The following ZFPM2 variants were observed in gnomAD, a reference collection of about 807,000 sequenced individuals.
ZFPM2 encodes zinc finger protein, FOG family member 2.
In ZFPM2, 20 loss-of-function variants were observed where a neutral mutation model predicts 98.6. The observed-to-expected ratio is 0.20, with a 90% CI of 0.14 to 0.29. ZFPM2 has a LOEUF of 0.29. ZFPM2 is among the 10% of genes least tolerant of loss of function. The probability of loss-of-function intolerance (pLI) is 1.00; values close to 1 mark genes in which losing one functional copy is unlikely to be tolerated. For missense variants in ZFPM2, 1,310 were observed against 1,388.6 expected, an observed-to-expected ratio of 0.94 and a Z score of 0.90; for synonymous variants, 518 against 502.7, an observed-to-expected ratio of 1.03 and a Z score of -0.41.
At chr8:105,535,717 C>G (rs576206093) in intron 3 of ZFPM2, among the ~76,000 whole-genome samples, 12 of 152,248 alleles carry the variant, frequency 7.9e-5, no homozygotes, top group Admixed American at 7.2e-4. Flanking sequence ...CAGCTTGCTT[C>G]AGATGCTCAG....
In ZFPM2 at chr8:105,533,015, C is replaced by G. The variant is rs115655223; in HGVS notation, c.302-28348C>G. On this transcript the variant is annotated intron_variant, in intron 3 of 7. Coordinates refer to ENST00000407775, the MANE Select transcript of ZFPM2 (RefSeq NM_012082.4). ...TTATATCATAAATTCTCATAATACT[C>G]TAGAAAATTTGAATGCGTAGAATTA... Among the ~76,000 whole-genome samples the G allele has an allele frequency of 5.6e-3, 854 of 152,106 alleles. 12 individuals are homozygous for G. Among genetic ancestry groups the G allele is most frequent in the African/African-American group, 0.02 (822 of 41,516 alleles).
intron 3 of ZFPM2, among the ~76,000 whole-genome samples, chr8:105,466,789 T>G (rs1211846774): frequency 6.6e-6 from 1 of 151,988 alleles, no homozygotes; most frequent in African/African-American, 2.4e-5. Context: ...TTTTTTTTAA[T>G]TTTGAGGAAG....
At chr8:105,480,487 T>C (rs1449152654) in intron 3 of ZFPM2, among the ~76,000 whole-genome samples, 1 of 152,204 alleles carries the variant, frequency 6.6e-6, no homozygotes, top group Admixed American at 6.5e-5. Context: ...AAATAAGTTA[T>C]GTAATGTGCA....
intron 5 of ZFPM2, among the ~76,000 whole-genome samples, chr8:105,738,549 G>T (rs948687528): frequency 1.3e-5 from 2 of 152,068 alleles, no homozygotes; most frequent in African/African-American, 4.8e-5. Context: ...TAATGGGATT[G>T]CTGAGTCAAA....
At chr8:105,385,716 C>T (rs1011862893) in intron 1 of ZFPM2, among the ~76,000 whole-genome samples, 19 of 152,182 alleles carry the variant, frequency 1.2e-4, no homozygotes, top group African/African-American at 4.6e-4. Context: ...AGGACCCCAG[C>T]GATTACTTTA....
At chr8:105,369,276 A>C (rs1586321721) in intron 1 of ZFPM2, among the ~76,000 whole-genome samples, 1 of 152,164 alleles carries the variant, frequency 6.6e-6, no homozygotes, top group African/African-American at 2.4e-5. Flanking sequence ...CGTGAATTAT[A>C]TAAATATGTG....
At chr8:105,463,265 CTCTA>C (rs1175787209) in intron 3 of ZFPM2, among the ~76,000 whole-genome samples, 79 of 148,378 alleles carry the variant, frequency 5.3e-4, no homozygotes, top group African/African-American at 1.8e-3. Flanking sequence ...TAAACCATCT[CTCTA>C]TATTTAAAAC....
At chr8:105,661,036 G>A (rs1378621709) in intron 5 of ZFPM2, among the ~76,000 whole-genome samples, 1 of 152,156 alleles carries the variant, frequency 6.6e-6, no homozygotes, top group East Asian at 1.9e-4. Context: ...GACATGTGAT[G>A]CTTTGAATTG....
At chr8:105,652,458 A>C (rs1817201339) in intron 5 of ZFPM2, among the ~76,000 whole-genome samples, 1 of 151,382 alleles carries the variant, frequency 6.6e-6, no homozygotes, top group African/African-American at 2.4e-5. Context: ...AGAGTATTCC[A>C]ATCAAGGAAA....
chr8:105,337,858 A>G (rs184296002), intron 1 of ZFPM2, among the ~76,000 whole-genome samples: 390 of 151,680 alleles, frequency 2.6e-3, no homozygotes, highest in Non-Finnish European at 3.9e-3. Context: ...CCAAAGTTAT[A>G]TTACAACTTC....
intron 5 of ZFPM2, among the ~76,000 whole-genome samples, chr8:105,681,585 T>A (rs1163536221): frequency 2.0e-5 from 3 of 152,312 alleles, no homozygotes; most frequent in African/African-American, 7.2e-5. Flanking sequence ...ATCTGAGTGT[T>A]GGATTCCTCA....
intron 5 of ZFPM2, among the ~76,000 whole-genome samples, chr8:105,756,240 G>T (rs796398400): frequency 1.3e-5 from 2 of 152,226 alleles, no homozygotes; most frequent in African/African-American, 4.8e-5. Context: ...AAACCCTGTA[G>T]CCCTTTTGAA....
chr8:105,649,671 G>T (rs1243643676), intron 5 of ZFPM2, among the ~76,000 whole-genome samples: 3 of 152,100 alleles, frequency 2.0e-5, no homozygotes, highest in African/African-American at 7.2e-5. Flanking sequence ...CTGTTTATAT[G>T]CTGGATTACA....
In ZFPM2 at chr8:105,583,682, C is replaced by A. The variant is rs544431883; in HGVS notation, c.420+22201C>A. 2.9e-3 allele frequency among the ~76,000 whole-genome samples: 442 copies of A among 152,150 alleles called. 2 individuals carry two copies. Among genetic ancestry groups the A allele is most frequent in the Non-Finnish European group, 4.4e-3 (297 of 67,990 alleles). ...GCTAGAGGTGCCAATGGCAGTAAAA[C>A]CATGGAAGATTAGCACACTTCTTTT... On this transcript the variant is annotated intron_variant, in intron 4 of 7. Transcript: ENST00000407775.
chr8:105,786,087 T>G (rs7839322), intron 5 of ZFPM2, among the ~76,000 whole-genome samples: 24,515 of 149,716 alleles, frequency 0.16, 3,601 homozygotes, highest in African/African-American at 0.39. Flanking sequence ...AAGAGTGATG[T>G]TCACGCCTGT....
chr8:105,389,013 CG>C (rs1023829693), intron 1 of ZFPM2, among the ~76,000 whole-genome samples: 9 of 134,826 alleles, frequency 6.7e-5, no homozygotes, highest in Non-Finnish European at 1.4e-4. Context: ...AATTTGATGA[CG>C]TGTGTGTGTG....
At chr8:105,526,286 G>C (rs1359622738) in intron 3 of ZFPM2, among the ~76,000 whole-genome samples, 1 of 152,016 alleles carries the variant, frequency 6.6e-6, no homozygotes, top group South Asian at 2.1e-4. Context: ...TCTAATGCTA[G>C]TTGAACTTCC....
intron 3 of ZFPM2, among the ~76,000 whole-genome samples, chr8:105,458,194 A>G (rs761442689): frequency 6.6e-6 from 1 of 152,212 alleles, no homozygotes; most frequent in Non-Finnish European, 1.5e-5. Flanking sequence ...GGTGTAGTTA[A>G]AAGAAGATTG....
intron 1 of ZFPM2, among the ~76,000 whole-genome samples, chr8:105,390,572 A>G (rs1307614334): frequency 6.6e-6 from 1 of 151,280 alleles, no homozygotes; most frequent in African/African-American, 2.4e-5. Context: ...ACATGATTGA[A>G]CTCGATCTCC....
Sources: allele counts gnomAD v4.1 joint callset (sites outside exome capture counted in the v4.1 genomes callset), GRCh38; gene constraint gnomAD v4.1.1; transcripts MANE v1.5; gene names NCBI Gene and HGNC (gene_info 2026-07-23, HGNC 2026-07-21).